Variants in ADGRV1 observed in about 807,000 individuals in gnomAD.
ADGRV1 encodes adhesion G protein-coupled receptor V1, also known as G-protein coupled receptor 98.
In ADGRV1, 359 loss-of-function variants were observed where a neutral mutation model predicts 596.2. The observed-to-expected ratio is 0.60, with a 90% CI of 0.55 to 0.66. ADGRV1 has a LOEUF of 0.66. Among genes scored for constraint, ADGRV1 ranks in the 30% least tolerant of loss-of-function variants. The probability of loss-of-function intolerance (pLI) is 0.00; values close to 1 mark genes in which losing one functional copy is unlikely to be tolerated. For missense variants in ADGRV1, 7,274 were observed against 7,575.6 expected, an observed-to-expected ratio of 0.96 and a Z score of 1.48; for synonymous variants, 2,681 against 2,679.2, an observed-to-expected ratio of 1.00 and a Z score of -0.02.
At chr5:90,609,107 T>C (rs1420935349) in intron 1 of ADGRV1, among the ~76,000 whole-genome samples, 1 of 151,976 alleles carries the variant, frequency 6.6e-6, no homozygotes, top group Non-Finnish European at 1.5e-5. Flanking sequence ...GTCTGTCTTC[T>C]GTAGGAATAC....
At chr5:91,088,780 G>GA (rs555935573) in intron 86 of ADGRV1, among the ~76,000 whole-genome samples, 42 of 151,652 alleles carry the variant, frequency 2.8e-4, no homozygotes, top group East Asian at 2.3e-3. Flanking sequence ...TTAAAAAAGA[G>GA]AAAAAAAATC....
chr5:91,100,034 G>A (rs1295842806), intron 86 of ADGRV1, among the ~76,000 whole-genome samples: 1 of 152,174 alleles, frequency 6.6e-6, no homozygotes, highest in Admixed American at 6.5e-5. Context: ...GGGCCAAAAA[G>A]CAAACAACTG....
At chr5:90,615,281 G>T (rs1369628482) in intron 2 of ADGRV1, among the ~76,000 whole-genome samples, 2 of 151,790 alleles carry the variant, frequency 1.3e-5, no homozygotes, top group African/African-American at 2.4e-5. Flanking sequence ...TTTAGAACAA[G>T]AACTTTTCAT....
Position 90,755,167 on chromosome 5 carries a change from C to G in ADGRV1, c.11562C>G (p.Ala3854=). 2 of 1,601,000 alleles carry G rather than the reference C, an allele frequency of 1.2e-6. No homozygotes were observed. Among genetic ancestry groups the G allele is most frequent in the Non-Finnish European group, 1.7e-6 (2 of 1,177,042 alleles). Residue 3854 remains alanine, a synonymous_variant, in exon 55 of 90, where the codon GCC becomes GCG. Coordinates refer to ENST00000405460, the MANE Select transcript of ADGRV1 (RefSeq NM_032119.4). ...IMKENIKEAH[A]EVSILPDDLP... ...AAGAAAACATAAAAGAAGCTCATGC[C>G]GAAGTTTCCATTTTGCCGGTAAGTC...
In ADGRV1 at chr5:90,622,621, C is replaced by A; in HGVS notation, c.478C>A (p.Pro160Thr). ...GCTTCCCTCAATCGCAGTGAGTGAG[C>A]CCAAGGGCAGAAATGAGTCTATGCC... ...NMLPSIAVSEPKGRNESMPLT... is the reference protein window; with the variant it reads ...NMLPSIAVSETKGRNESMPLT... The change falls in exon 5 of 90, where the codon CCC becomes ACC. Residue 160 changes from proline to threonine, a missense_variant. Around this residue, in one of 5 missense-constraint regions of ADGRV1, gnomAD observed 1,715 missense variants for 1,708.8 expected, o/e 1.00. Transcript: ENST00000405460. 2 of 1,486,618 alleles carry A rather than the reference C, an allele frequency of 1.3e-6. No homozygotes were observed. The highest frequency in any genetic ancestry group is 9.0e-7 in the Non-Finnish European group (1 of 1,116,256). The allele number at this position is 1,486,618 out of a possible 1,614,324, so 92.1% of individuals were successfully genotyped here. A position where few individuals can be genotyped will look rare whatever the true frequency, so the allele number is the denominator to read the frequency against.
intron 79 of ADGRV1, 21 bp from the exon 80 acceptor site, chr5:90,853,263 C>A (rs1378336253): frequency 6.3e-7 from 1 of 1,583,200 alleles, no homozygotes; most frequent in Non-Finnish European, 8.6e-7. Context: ...TTTTTACAGA[C>A]CCTTTGCTTT....
chr5:90,903,980 T>C (rs1032814093), intron 83 of ADGRV1, among the ~76,000 whole-genome samples: 3 of 152,026 alleles, frequency 2.0e-5, no homozygotes, highest in Non-Finnish European at 4.4e-5. Context: ...TCAATTGTTT[T>C]GATTTTTAGA....
intron 85 of ADGRV1, among the ~76,000 whole-genome samples, chr5:91,051,041 A>G (rs999659129): frequency 6.6e-6 from 1 of 152,222 alleles, no homozygotes; most frequent in African/African-American, 2.4e-5. Flanking sequence ...ATTAAAATTA[A>G]TGCTTGTCTT....
At chr5:90,756,752 T>C in intron 56 of ADGRV1, 122 bp downstream of exon 56, 1 of 868,792 alleles carries the variant, frequency 1.2e-6, no homozygotes, top group Non-Finnish European at 1.7e-6. Flanking sequence ...AAATTTGTCT[T>C]ATAAACTAAT....
At position 90,745,142 on chromosome 5, in the gene ADGRV1, A is replaced by C. The variant is rs774218824; in HGVS notation, c.10646A>C (p.Tyr3549Ser). ...FSFVLEVPSA[Y>S]DVASVTVKSL... ...TTTGTTCTGGAAGTACCTTCTGCTTATGATGTGGCTTCTGTTACAGTAAAG... is the reference window on the plus strand; with the variant it reads ...TTTGTTCTGGAAGTACCTTCTGCTTCTGATGTGGCTTCTGTTACAGTAAAG... The change falls in exon 51 of 90, where the codon TAT becomes TCT. Residue 3549 changes from tyrosine (Y) to serine (S), a missense_variant. This residue lies in a region of ADGRV1 where 3,643 missense variants were observed against 3,809.2 expected (regional missense o/e 0.96). Coordinates refer to ENST00000405460, the MANE Select transcript of ADGRV1 (RefSeq NM_032119.4). 1 of 1,613,672 alleles carries C rather than the reference A, an allele frequency of 6.2e-7. No individual in the cohort carries two copies.
intron 11 of ADGRV1, 81 bp from the exon 12 acceptor site, chr5:90,642,555 T>A (rs1477169031): frequency 6.9e-7 from 1 of 1,455,118 alleles, no homozygotes. Flanking sequence ...GGAAGAGTTG[T>A]AAATATTGCC....
intron 43 of ADGRV1, chr5:90,718,472 G>A (rs1750449563): frequency 6.6e-6 from 1 of 151,946 alleles, no homozygotes; most frequent in East Asian, 1.9e-4. Context: ...GTTAGCTTTA[G>A]GCATTTTTCA....
chr5:90,809,898 A>T (rs753806041), intron 73 of ADGRV1, among the ~76,000 whole-genome samples: 4 of 152,194 alleles, frequency 2.6e-5, no homozygotes, highest in Non-Finnish European at 5.9e-5. Context: ...CATTGTAGTA[A>T]TATTGTTCCC....
Position 90,724,987 on chromosome 5 carries a change from G to A in ADGRV1, c.9904G>A (p.Glu3302Lys). Residue 3302 changes from glutamate to lysine, a missense_variant and splice_region_variant, in exon 46 of 90, where the codon GAG becomes AAG. Transcript: ENST00000405460. The part of the protein sequence containing the change: ...YRWQGIFIPV[E>K]DLNIENPKTC... ...ATGGCAGGGGATTTTTATTCCAGTT[G>A]AGGTAAACATCAGTATTTTTTTATA... 3 of 1,594,044 alleles carry A rather than the reference G, an allele frequency of 1.9e-6. No individual in the cohort carries two copies.
At chr5:90,861,087 T>G (rs533367255) in intron 82 of ADGRV1, among the ~76,000 whole-genome samples, 7 of 152,156 alleles carry the variant, frequency 4.6e-5, no homozygotes, top group Non-Finnish European at 1.0e-4. Flanking sequence ...TAAAAGACTT[T>G]AGCTGTTCTT....
chr5:90,676,162 A>C lies in ADGRV1; in HGVS notation c.5396A>C (p.Glu1799Ala), dbSNP rs1326813462. ...FINITDNSIPELEKSFKVELL... is the reference protein window; with the variant it reads ...FINITDNSIPALEKSFKVELL... Reference sequence around the variant, plus strand: ...AACATCACTGATAATTCTATTCCTGAACTGGAAAAATCTTTTAAAGTTGAG... The same window carrying C: ...AACATCACTGATAATTCTATTCCTGCACTGGAAAAATCTTTTAAAGTTGAG... Residue 1799 changes from glutamate (E) to alanine (A), a missense_variant, in exon 25 of 90, where the codon GAA becomes GCA. Transcript: ENST00000405460. 5.0e-6 allele frequency: 8 copies of C among 1,608,186 alleles called. No individual in the cohort carries two copies. Among genetic ancestry groups the C allele is most frequent in the Non-Finnish European group, 6.8e-6 (8 of 1,177,216 alleles).
Position 90,716,447 on chromosome 5 carries a change from T to C in ADGRV1, c.9185-20T>C, listed in dbSNP as rs766353488. The C allele has an allele frequency of 2.6e-6, 4 of 1,520,340 alleles. No individual in the cohort carries two copies. The highest frequency in any genetic ancestry group is 2.8e-5 in the South Asian group (2 of 72,404). The allele number at this position is 1,520,340 out of a possible 1,614,324, so 94.2% of individuals were successfully genotyped here. A position where few individuals can be genotyped will look rare whatever the true frequency, so the allele number is the denominator to read the frequency against. On this transcript the variant is annotated intron_variant, in intron 42 of 89. Transcript: ENST00000405460. ...CCTCTTCTATTTTCATTTGTTGCTT[T>C]AATATTTTTATTTTGGCAGCCTTAA... is the stretch of plus-strand genomic sequence containing the variant.
intron 85 of ADGRV1, among the ~76,000 whole-genome samples, chr5:91,069,565 T>C (rs916670672): frequency 6.6e-6 from 1 of 152,092 alleles, no homozygotes; most frequent in Admixed American, 6.5e-5. Flanking sequence ...TGAAACACCA[T>C]TTCACACCTG....
chr5:90,637,811 A>G lies in ADGRV1; in HGVS notation c.2103A>G (p.Ala701=). Reference sequence around the variant, plus strand: ...AGCCCTCTGGCTTTAATTCAAAAGCAGTGACCCCGGATGATATAGGCCCCT... The same window carrying G: ...AGCCCTCTGGCTTTAATTCAAAAGCGGTGACCCCGGATGATATAGGCCCCT... ...SLKPSGFNSK[A]VTPDDIGPFN... The change falls in exon 11 of 90, where the codon GCA becomes GCG. Residue 701 remains alanine, a synonymous_variant. Transcript: ENST00000405460. 1 of 1,613,710 alleles carries G rather than the reference A, an allele frequency of 6.2e-7. No homozygotes were observed.
Sources: gnomAD v4.1 joint callset for allele counts (sites outside exome capture counted in the v4.1 genomes callset) on GRCh38, gnomAD v4.1.1 for gene constraint, gnomAD v4.1.1 regional missense constraint, MANE v1.5 for transcripts, NCBI Gene and HGNC (gene_info 2026-07-23, HGNC 2026-07-21) for gene names.